The following NOP9 variants were observed in gnomAD, a reference collection of about 807,000 sequenced individuals.
The protein encoded by NOP9 is NOP9 nucleolar protein.
A neutral mutation model predicts 63.0 loss-of-function variants in NOP9; 50 were observed. The ratio of observed to expected loss-of-function variants is 0.79; its 90% confidence interval spans 0.63 to 1.00. The LOEUF is 1.00. Among genes scored for constraint, NOP9 ranks in the 50% least tolerant of loss-of-function variants. NOP9 has a pLI of 0.00. For synonymous variants in NOP9, 343 were observed against 332.8 expected, an observed-to-expected ratio of 1.03 and a Z score of -0.33; for missense variants, 758 against 803.0, an observed-to-expected ratio of 0.94 and a Z score of 0.68.
rs778870257 is a variant in NOP9, at chr14:24,307,403, T to A, written c.*2308T>A. 3 of 1,613,864 alleles carry A rather than the reference T, an allele frequency of 1.9e-6. No individual in the cohort carries two copies. On this transcript the variant is annotated 3_prime_UTR_variant, in exon 10 of 10. Coordinates refer to ENST00000267425, the MANE Select transcript of NOP9 (RefSeq NM_174913.3). The stretch of plus-strand genomic sequence containing the variant: ...AGCAGCTCCTGGCGGGTGGCAGCTG[T>A]CAGGCCTTTCCGGATGGTCCGCTTG...
chr14:24,292,171 T>G, the NOP9 span: 3 of 1,613,852 alleles, frequency 1.9e-6, no homozygotes, highest in African/African-American at 4.0e-5. Context: ...TCCTTCGCCC[T>G]CCCCTTGCCA....
Position 24,307,375 on chromosome 14 carries a change from GC to G in NOP9, c.*2281del, listed in dbSNP as rs762840656. ...CGAGGAACTTGGCCTACTTACTTTG[GC>G]TAGCAGCTCCTGGCGGGTGGCAGCT... On this transcript the variant is annotated 3_prime_UTR_variant, in exon 10 of 10. Transcript: ENST00000267425. 6.2e-7 allele frequency: 1 copy of G among 1,612,898 alleles called. No homozygotes were observed. Among genetic ancestry groups the G allele is most frequent in the African/African-American group, 1.3e-5 (1 of 75,016 alleles).
At position 24,300,540 on chromosome 14, in the gene NOP9, C is replaced by T; in HGVS notation, c.380C>T (p.Ala127Val). ...TTGAAACCGCTTTGTCGCGTGTGGG[C>T]TGCTCTGCGCTCTAACTTGCGCACT... ...SPLKPLCRVW[A>V]ALRSNLRTVA... The change falls in exon 2 of 10, where the codon GCT becomes GTT. Residue 127 changes from alanine (A) to valine (V), a missense_variant. By Grantham distance (64) the Ala-to-Val change is moderately conservative. Coordinates refer to ENST00000267425, the MANE Select transcript of NOP9 (RefSeq NM_174913.3). 1 of 1,614,230 alleles carries T rather than the reference C, an allele frequency of 6.2e-7. No homozygotes were observed. Among genetic ancestry groups the T allele is most frequent in the Non-Finnish European group, 8.5e-7 (1 of 1,180,032 alleles).
At position 24,303,263 on chromosome 14, in the gene NOP9, A is replaced by G. The variant is rs1223567688; in HGVS notation, c.1284+49A>G. On this transcript the variant is annotated intron_variant, in intron 6 of 9. Coordinates refer to ENST00000267425, the MANE Select transcript of NOP9 (RefSeq NM_174913.3). ...TGTTTATGCCCTCAGTTCAACTTCT[A>G]CCTTTTAGGACTTATCTAATCTTAA... 6 of 1,607,852 alleles carry G rather than the reference A, an allele frequency of 3.7e-6. No individual in the cohort carries two copies. The Admixed American group carries it at 5.0e-5, about 13-fold the overall frequency.
At chr14:24,299,511 T>G (rs2041326323), upstream of NOP9, 1 of 209,534 alleles carries the variant, frequency 4.8e-6, no homozygotes. Flanking sequence ...GAGGCGCAGC[T>G]TCCGGGCCGG....
At chr14:24,288,973 C>T in the NOP9 span, among the ~76,000 whole-genome samples, 1 of 151,872 alleles carries the variant, frequency 6.6e-6, no homozygotes, top group Non-Finnish European at 1.5e-5. Flanking sequence ...TCCACCACGC[C>T]CAGCTAATTT....
At position 24,306,852 on chromosome 14, in the gene NOP9, A is replaced by C. The variant is rs1229395524; in HGVS notation, c.*1757A>C. 1 of 382,160 alleles carries C rather than the reference A, an allele frequency of 2.6e-6. No homozygotes were observed. Among genetic ancestry groups the C allele is most frequent in the African/African-American group, 2.0e-5 (1 of 49,142 alleles). The allele number at this position is 382,160 out of a possible 1,614,324, so 23.7% of individuals were successfully genotyped here. ...TGTCTTATCTACAATGCTGCACCTC[A>C]CTTCCCACACCCTCAAGAGTTCTCC... is the stretch of plus-strand genomic sequence containing the variant. On this transcript the variant is annotated 3_prime_UTR_variant, in exon 10 of 10. Transcript: ENST00000267425.
chr14:24,299,880 G>T lies in NOP9; in HGVS notation c.-75G>T. On this transcript the variant is annotated 5_prime_UTR_variant, in exon 1 of 10. Coordinates refer to ENST00000267425, the MANE Select transcript of NOP9 (RefSeq NM_174913.3). ...CGTTTCTAAACTTTGTCTGGATAAG[G>T]CGCACGCTTGGCGACGTCGAAGGTC... 1 of 1,479,480 alleles carries T rather than the reference G, an allele frequency of 6.8e-7. No individual in the cohort carries two copies. The allele number at this position is 1,479,480 out of a possible 1,614,324, so 91.6% of individuals were successfully genotyped here.
upstream of NOP9, chr14:24,298,677 A>T (rs1226977734): frequency 3.0e-6 from 1 of 336,590 alleles, no homozygotes; most frequent in African/African-American, 2.1e-5. Context: ...CCTAGGCTCA[A>T]GCGATCCTCC....
upstream of NOP9, chr14:24,297,024 C>T: frequency 7.9e-6 from 9 of 1,133,444 alleles, no homozygotes; most frequent in Non-Finnish European, 1.0e-5. Flanking sequence ...GCAGGCAACG[C>T]TGCCCTCTGG....
intron 5 of NOP9, 22 bp from the exon 6 acceptor site, chr14:24,303,052 T>TA (rs773518123): frequency 6.6e-7 from 1 of 1,505,684 alleles, no homozygotes; most frequent in East Asian, 2.4e-5. Context: ...ATGCCAGAGT[T>TA]ACATTCCATG....
chr14:24,298,252 A>G (rs887193207), upstream of NOP9, among the ~76,000 whole-genome samples: 1 of 152,144 alleles, frequency 6.6e-6, no homozygotes. Flanking sequence ...GGGTCTAGCT[A>G]TGTTGCCCAG....
the NOP9 span, chr14:24,293,081 GTA>G: frequency 2.7e-6 from 1 of 370,492 alleles, no homozygotes; most frequent in Non-Finnish European, 4.9e-6. Context: ...CTTAAGAAAT[GTA>G]TAGTGTCTAC....
upstream of NOP9, chr14:24,299,395 G>T (rs1014428092): frequency 2.8e-5 from 9 of 316,168 alleles, no homozygotes; most frequent in Non-Finnish European, 1.8e-5. Context: ...GAGTGTGGCT[G>T]CCTGGATATG....
At chr14:24,283,667 C>G in the NOP9 span, among the ~76,000 whole-genome samples, 1 of 152,226 alleles carries the variant, frequency 6.6e-6, no homozygotes, top group Non-Finnish European at 1.5e-5. Flanking sequence ...GACAGAGAGA[C>G]AGCTGGCCTC....
At chr14:24,278,649 G>A in the NOP9 span, among the ~76,000 whole-genome samples, 3 of 152,214 alleles carry the variant, frequency 2.0e-5, no homozygotes, top group Non-Finnish European at 4.4e-5. Flanking sequence ...TAACGATAGT[G>A]TATGAAGACA....
the NOP9 span, chr14:24,292,307 A>G: frequency 3.1e-6 from 5 of 1,613,846 alleles, no homozygotes; most frequent in Admixed American, 1.7e-5. Flanking sequence ...GCTCGTGGGC[A>G]CAGTCAGCAG....
the NOP9 span, chr14:24,294,340 C>T: frequency 1.3e-5 from 2 of 152,172 alleles, no homozygotes; most frequent in African/African-American, 4.8e-5. Context: ...ATAATCCCAA[C>T]ACTTTGGGAG....
the NOP9 span, among the ~76,000 whole-genome samples, chr14:24,275,630 A>C: frequency 6.6e-6 from 1 of 152,242 alleles, no homozygotes; most frequent in East Asian, 1.9e-4. Context: ...CACAGACCAG[A>C]GAGTCTGGAG....
Sources: allele counts gnomAD v4.1 joint callset (sites outside exome capture counted in the v4.1 genomes callset), GRCh38; gene constraint gnomAD v4.1.1; transcripts MANE v1.5; gene names NCBI Gene and HGNC (gene_info 2026-07-23, HGNC 2026-07-21).